Variants in LRCH3 observed in about 807,000 individuals in gnomAD.
LRCH3 encodes the protein leucine rich repeats and calponin homology domain containing 3, also known as DISP complex protein LRCH3.
A neutral mutation model predicts 104.5 loss-of-function variants in LRCH3; 68 were observed. The ratio of observed to expected loss-of-function variants is 0.65; its 90% CI spans 0.54 to 0.80. The LOEUF (loss-of-function observed/expected upper bound fraction) is 0.80. LRCH3 is among the 30% of genes least tolerant of loss of function. The pLI is 0.00. For missense variants in LRCH3, 951 were observed against 953.9 expected (o/e 1.00, Z 0.04); for synonymous variants, 344 against 361.3 (o/e 0.95, Z 0.54).
At chr3:197,819,314 C>T (rs996647762) in intron 3 of LRCH3, among the ~76,000 whole-genome samples, 11 of 134,944 alleles carry the variant, frequency 8.2e-5, no homozygotes, top group Non-Finnish European at 1.4e-4. Flanking sequence ...GGCTCAGACT[C>T]GATTTTTCTA....
chr3:197,835,414 C>T (rs1179843171), intron 8 of LRCH3, among the ~76,000 whole-genome samples: 1 of 148,818 alleles, frequency 6.7e-6, no homozygotes, highest in East Asian at 2.0e-4. Context: ...GAACTCCTGA[C>T]TTCAGGTGAT....
chr3:197,871,463 G>C lies in LRCH3; in HGVS notation c.2130+1G>C, dbSNP rs1422103573. 1 of 1,613,160 alleles carries C rather than the reference G, an allele frequency of 6.2e-7. No individual in the cohort carries two copies. The highest frequency in any genetic ancestry group is 8.5e-7 in the Non-Finnish European group (1 of 1,179,230). ...CATTCATGTTCCCTCACCAGCTGTA[G>C]TAAGTTGATAATCCTAAAAAGCCTT... On this transcript the variant is annotated splice_donor_variant, in intron 19 of 20. Coordinates refer to ENST00000425562, the MANE Select transcript of LRCH3 (RefSeq NM_001365715.1). LOFTEE classifies it high-confidence loss of function.
intron 4 of LRCH3, among the ~76,000 whole-genome samples, chr3:197,825,721 C>T (rs569391411): frequency 5.9e-5 from 9 of 151,868 alleles, no homozygotes; most frequent in South Asian, 2.1e-4. Flanking sequence ...CCTCGTGATC[C>T]GCCTGCCTCG....
At position 197,883,296 on chromosome 3, in the gene LRCH3, CT is replaced by C; in HGVS notation, c.2209-243del. ...CTGTTGTATGTATAGATATATGCTA[CT>C]TGTCAATTTTCCAATTTTGAAAATG... On this transcript the variant is annotated intron_variant, in intron 20 of 20. Transcript: ENST00000425562. This position sits in a 1 kb window ranked among gnomAD's most constrained non-coding sequence, Gnocchi z 4.2. 2 of 1,278,936 alleles carry C rather than the reference CT, an allele frequency of 1.6e-6. No individual in the cohort carries two copies. Among genetic ancestry groups the C allele is most frequent in the Non-Finnish European group, 2.0e-6 (2 of 1,008,834 alleles). 79.2% of individuals were successfully genotyped at this position (1,278,936 alleles called of 1,614,324 possible).
At chr3:197,862,430 T>C (rs946963550) in intron 15 of LRCH3, among the ~76,000 whole-genome samples, 2 of 152,254 alleles carry the variant, frequency 1.3e-5, no homozygotes, top group African/African-American at 4.8e-5. Context: ...GTCTATGTCC[T>C]GTTAATAGGA....
At chr3:197,846,967 C>T (rs569155212) in intron 10 of LRCH3, among the ~76,000 whole-genome samples, 73 of 151,898 alleles carry the variant, frequency 4.8e-4, no homozygotes, top group African/African-American at 1.7e-3. Flanking sequence ...ATTGCTTCAT[C>T]GATTGAAAAT....
intron 20 of LRCH3, chr3:197,881,872 C>G: frequency 7.1e-6 from 7 of 985,404 alleles, no homozygotes; most frequent in Non-Finnish European, 8.4e-6. Context: ...GAGGGGCTCA[C>G]TGGTTTGGTT....
chr3:197,866,311 A>G (rs1741479318), intron 17 of LRCH3, 92 bp downstream of exon 17: 4 of 837,962 alleles, frequency 4.8e-6, no homozygotes, highest in African/African-American at 1.7e-5. Context: ...TTCTGCATAT[A>G]GTATAAGACA....
In LRCH3 at chr3:197,886,872, A is replaced by C. The variant is rs1023995592; in HGVS notation, c.*3206A>C. 7.9e-5 allele frequency: 12 copies of C among 152,040 alleles called. No individual in the cohort carries two copies. Among genetic ancestry groups the C allele is most frequent in the African/African-American group, 2.7e-4 (11 of 41,420 alleles). 9.4% of individuals were successfully genotyped at this position (152,040 alleles called of 1,614,324 possible). ...TATGCAAGGAATAATTCTAGAAGAC[A>C]TTACATAATGCAATACTTGCAACAT... On this transcript the variant is annotated 3_prime_UTR_variant, in exon 21 of 21. Transcript: ENST00000425562.
chr3:197,869,341 G>GAT (rs1711780110), intron 17 of LRCH3, among the ~76,000 whole-genome samples: 2 of 147,618 alleles, frequency 1.4e-5, no homozygotes, highest in African/African-American at 2.5e-5. Flanking sequence ...AGTAGAAAGC[G>GAT]GTGCACTGTA....
chr3:197,850,943 A>G, intron 12 of LRCH3: 3 of 798,246 alleles, frequency 3.8e-6, no homozygotes, highest in Non-Finnish European at 6.9e-6. Flanking sequence ...GGTCAAGTGA[A>G]TAGCGAACCA....
At chr3:197,873,728 AAAAG>A (rs918907034) in intron 19 of LRCH3, among the ~76,000 whole-genome samples, 6 of 152,146 alleles carry the variant, frequency 3.9e-5, no homozygotes, top group East Asian at 1.9e-4. Context: ...CTGACCCTAA[AAAAG>A]AAAGAAAGGG....
At chr3:197,828,606 A>G (rs931560046) in intron 5 of LRCH3, among the ~76,000 whole-genome samples, 1 of 151,742 alleles carries the variant, frequency 6.6e-6, no homozygotes, top group African/African-American at 2.4e-5. Flanking sequence ...CGGCCTCCCA[A>G]AGTGCTGGGA....
chr3:197,878,069 C>CT (rs937800247), intron 20 of LRCH3, among the ~76,000 whole-genome samples: 30 of 152,170 alleles, frequency 2.0e-4, no homozygotes, highest in African/African-American at 7.2e-4. Context: ...CCAGTGTCTG[C>CT]TCTAGTTCCC....
chr3:197,856,522 G>A lies in LRCH3; in HGVS notation c.1644+2077G>A, dbSNP rs1740266221. On this transcript the variant is annotated intron_variant, in intron 14 of 20. Coordinates refer to ENST00000425562, the MANE Select transcript of LRCH3 (RefSeq NM_001365715.1). This position sits in a 1 kb window ranked among gnomAD's most constrained non-coding sequence, Gnocchi z 4.2. ...AAGCATCAGCCTCTTGAGTAGCTGG[G>A]ACTACGGGTGCATGCACCACACGTG... Among the ~76,000 whole-genome samples the A allele has an allele frequency of 6.6e-6, 1 of 151,922 alleles. No individual in the cohort carries two copies. Among genetic ancestry groups the A allele is most frequent in the Admixed American group, 6.6e-5 (1 of 15,240 alleles).
chr3:197,870,579 T>A (rs560646539), intron 18 of LRCH3, among the ~76,000 whole-genome samples: 8 of 152,322 alleles, frequency 5.3e-5, no homozygotes, highest in African/African-American at 1.9e-4. Flanking sequence ...TTGGCCGGGC[T>A]GGTCTCGAAC....
chr3:197,828,852 C>A (rs544891711), intron 5 of LRCH3, among the ~76,000 whole-genome samples: 3 of 146,252 alleles, frequency 2.1e-5, no homozygotes, highest in Admixed American at 1.4e-4. Flanking sequence ...GGATTACAAG[C>A]GCCTGCCACC....
intron 1 of LRCH3, among the ~76,000 whole-genome samples, chr3:197,792,606 A>ATATATATATATATATATATATATATATAT (rs1233845852): frequency 2.6e-5 from 1 of 37,976 alleles, no homozygotes; most frequent in Non-Finnish European, 6.6e-5. Flanking sequence ...TATATATATA[A>ATATATATATATATATATATATATATATAT]AATATACATA....
At position 197,830,767 on chromosome 3, in the gene LRCH3, C is replaced by T. The variant is rs1735825910; in HGVS notation, c.888-3C>T. Reference sequence around the variant, plus strand: ...TTGCAGTAACAGAGTCTCTTTTCGGCAGCCATGAAGAACTGTACTCAAGTC... The same window carrying T: ...TTGCAGTAACAGAGTCTCTTTTCGGTAGCCATGAAGAACTGTACTCAAGTC... On this transcript the variant is annotated splice_region_variant and splice_polypyrimidine_tract_variant and intron_variant, in intron 6 of 20. Transcript: ENST00000425562. 6.2e-7 allele frequency: 1 copy of T among 1,609,592 alleles called. No individual in the cohort carries two copies. The highest frequency in any genetic ancestry group is 8.5e-7 in the Non-Finnish European group (1 of 1,177,244).
Sources: allele counts gnomAD v4.1 joint callset (sites outside exome capture counted in the v4.1 genomes callset), GRCh38; gene constraint gnomAD v4.1.1; non-coding constraint Gnocchi (gnomAD v3.1); transcripts MANE v1.5; gene names NCBI Gene and HGNC (gene_info 2026-07-23, HGNC 2026-07-21).